The following SPAG16 variants were observed in gnomAD, a reference collection of about 807,000 sequenced individuals.
The protein encoded by SPAG16 is sperm-associated antigen 16 protein.
A neutral mutation model predicts 80.4 loss-of-function variants in SPAG16; 86 were observed. The ratio of observed to expected loss-of-function variants is 1.07; its 90% CI spans 0.90 to 1.28. The LOEUF (loss-of-function observed/expected upper bound fraction) is 1.28, where lower values mean the gene tolerates loss of function less well. Among genes scored for constraint, SPAG16 ranks in the 50% most tolerant of loss-of-function variants. The pLI is 0.00. For synonymous variants in SPAG16, 294 were observed against 265.9 expected (o/e 1.11, Z -1.03); for missense variants, 870 against 765.3 (o/e 1.14, Z -1.61).
intron 13 of SPAG16, among the ~76,000 whole-genome samples, chr2:214,077,668 TG>T (rs2051146750): frequency 6.6e-6 from 1 of 152,152 alleles, no homozygotes; most frequent in South Asian, 2.1e-4. Flanking sequence ...TTAAACACCA[TG>T]AAGGCGGGTA....
At chr2:213,417,541 A>T (rs2069329767) in intron 9 of SPAG16, among the ~76,000 whole-genome samples, 1 of 152,250 alleles carries the variant, frequency 6.6e-6, no homozygotes, top group Non-Finnish European at 1.5e-5. Flanking sequence ...AAAAACTGTT[A>T]TAGAACTATT....
At chr2:213,830,370 G>T (rs1430332558) in intron 10 of SPAG16, among the ~76,000 whole-genome samples, 1 of 152,132 alleles carries the variant, frequency 6.6e-6, no homozygotes, top group African/African-American at 2.4e-5. Context: ...GATGGGTGAG[G>T]GGTAGTGTTG....
chr2:214,197,247 A>T (rs142878681), intron 15 of SPAG16, among the ~76,000 whole-genome samples: 1 of 152,066 alleles, frequency 6.6e-6, no homozygotes, highest in Non-Finnish European at 1.5e-5. Context: ...GTCATTTTGA[A>T]ATCTGTGAAT....
chr2:214,275,868 G>T lies in SPAG16; in HGVS notation c.1720+126602G>T, dbSNP rs530458435. Among the ~76,000 whole-genome samples the T allele has an allele frequency of 6.6e-5, 10 of 152,250 alleles. No individual in the cohort carries two copies. The East Asian group carries it at 1.9e-3, about 29-fold the overall frequency. ...ATCTTTGTTAATCTTCTGTCTCGTT[G>T]ATCTGTCTAATATTGACAGTGGAGT... On this transcript the variant is annotated intron_variant, in intron 15 of 15. Transcript: ENST00000331683.
intron 12 of SPAG16, among the ~76,000 whole-genome samples, chr2:213,935,633 C>G (rs962980854): frequency 7.2e-5 from 11 of 152,266 alleles, no homozygotes; most frequent in African/African-American, 2.6e-4. Context: ...TAGTAGGACA[C>G]TGTTTCAATA....
At chr2:214,375,545 C>T (rs62198196) in intron 15 of SPAG16, among the ~76,000 whole-genome samples, 19,470 of 152,072 alleles carry the variant, frequency 0.13, 1,557 homozygotes, top group Non-Finnish European at 0.18. Flanking sequence ...CACACAAATA[C>T]ACACACACAA....
intron 15 of SPAG16, among the ~76,000 whole-genome samples, chr2:214,173,514 T>G (rs1431552876): frequency 6.6e-6 from 1 of 151,880 alleles, no homozygotes; most frequent in Non-Finnish European, 1.5e-5. Flanking sequence ...TGTAGTATAG[T>G]ATGAAGTCAG....
At chr2:214,062,447 A>C (rs2050317524) in intron 13 of SPAG16, among the ~76,000 whole-genome samples, 1 of 149,672 alleles carries the variant, frequency 6.7e-6, no homozygotes, top group African/African-American at 2.5e-5. Flanking sequence ...AAAAAAAAGA[A>C]ACCAAAACCA....
intron 15 of SPAG16, among the ~76,000 whole-genome samples, chr2:214,393,923 G>A (rs890610233): frequency 1.3e-5 from 2 of 152,178 alleles, no homozygotes; most frequent in African/African-American, 4.8e-5. Context: ...TCCAGTCATA[G>A]GAAATGTACC....
rs1576506514 is a variant in SPAG16, at chr2:214,211,986, T to A, written c.1720+62720T>A. Among the ~76,000 whole-genome samples the A allele has an allele frequency of 2.0e-5, 3 of 152,318 alleles. No homozygotes were observed. In the South Asian group the frequency reaches 6.2e-4, roughly 32 times the overall value. On this transcript the variant is annotated intron_variant, in intron 15 of 15. Transcript: ENST00000331683. The stretch of plus-strand genomic sequence containing the variant: ...GCTACTGTGACACTTGGTGCCTATT[T>A]GGTCTTCCACTTCATTCTTATCTTG...
At chr2:214,180,881 A>C (rs1156625058) in intron 15 of SPAG16, among the ~76,000 whole-genome samples, 1 of 151,618 alleles carries the variant, frequency 6.6e-6, no homozygotes, top group Non-Finnish European at 1.5e-5. Flanking sequence ...ATCTTTACCT[A>C]GTTTAAACTC....
At chr2:213,902,410 G>T (rs2077256075) in intron 11 of SPAG16, among the ~76,000 whole-genome samples, 1 of 152,286 alleles carries the variant, frequency 6.6e-6, no homozygotes, top group Admixed American at 6.5e-5. Flanking sequence ...AATCATGGTG[G>T]GTGCTGAAAG....
Position 213,457,311 on chromosome 2 carries a change from G to T in SPAG16, c.943-32652G>T, listed in dbSNP as rs180772946. ...CTATGAAGGTTTAGAGTAGGGTGGAGACATGAGAGATTGTTTACTGGAATT... is the reference window on the plus strand; with the variant it reads ...CTATGAAGGTTTAGAGTAGGGTGGATACATGAGAGATTGTTTACTGGAATT... On this transcript the variant is annotated intron_variant, in intron 9 of 15. Transcript: ENST00000331683. Among the ~76,000 whole-genome samples, 326 of 152,260 alleles carry T rather than the reference G, an allele frequency of 2.1e-3. 2 individuals carry two copies. Among genetic ancestry groups the T allele is most frequent in the African/African-American group, 7.4e-3 (309 of 41,560 alleles).
intron 13 of SPAG16, among the ~76,000 whole-genome samples, chr2:214,035,333 CA>C (rs2048636816): frequency 6.6e-6 from 1 of 152,184 alleles, no homozygotes; most frequent in African/African-American, 2.4e-5. Flanking sequence ...GGTGGGACTT[CA>C]CCAGGGACCT....
chr2:213,795,704 A>G (rs1404008621), intron 10 of SPAG16, among the ~76,000 whole-genome samples: 2 of 152,168 alleles, frequency 1.3e-5, no homozygotes, highest in Non-Finnish European at 2.9e-5. Context: ...CCATCCCCTC[A>G]GTGCTGTTCT....
intron 10 of SPAG16, among the ~76,000 whole-genome samples, chr2:213,706,463 C>T (rs2065756367): frequency 6.6e-6 from 1 of 152,106 alleles, no homozygotes; most frequent in African/African-American, 2.4e-5. Flanking sequence ...AAAGTAATAT[C>T]AGTAAATGTA....
chr2:213,824,933 A>G (rs1211742920), intron 10 of SPAG16, among the ~76,000 whole-genome samples: 1 of 151,850 alleles, frequency 6.6e-6, no homozygotes, highest in African/African-American at 2.4e-5. Flanking sequence ...TTCATTGTAT[A>G]TGTTTCACTT....
intron 10 of SPAG16, among the ~76,000 whole-genome samples, chr2:213,491,517 G>A (rs1412697754): frequency 6.6e-6 from 1 of 152,134 alleles, no homozygotes; most frequent in Non-Finnish European, 1.5e-5. Context: ...ACAGGTTTAG[G>A]ACCAAACTCT....
chr2:213,705,110 A>G (rs1477101380), intron 10 of SPAG16, among the ~76,000 whole-genome samples: 1 of 151,820 alleles, frequency 6.6e-6, no homozygotes, highest in Non-Finnish European at 1.5e-5. Context: ...AAAAACAAAA[A>G]TTAGGGGGGT....
Sources: gnomAD v4.1 joint callset for allele counts (sites outside exome capture counted in the v4.1 genomes callset) on GRCh38, gnomAD v4.1.1 for gene constraint, MANE v1.5 for transcripts, NCBI Gene and HGNC (gene_info 2026-07-23, HGNC 2026-07-21) for gene names.